SYTL2: variants seen among roughly 807,000 people sequenced by gnomAD.
SYTL2 encodes synaptotagmin-like protein 2.
A neutral mutation model predicts 198.7 loss-of-function variants in SYTL2; 165 were observed. The observed-to-expected ratio is 0.83, with a 90% CI of 0.73 to 0.94. SYTL2 has a LOEUF of 0.94. Ranked by LOEUF, SYTL2 falls within the 40% of genes least tolerant of loss-of-function variation. The probability of loss-of-function intolerance (pLI) is 0.00; values close to 1 mark genes in which losing one functional copy is unlikely to be tolerated. For synonymous variants in SYTL2, 966 were observed against 917.7 expected (o/e 1.05, Z -0.95); for missense variants, 2,835 against 2,582.8 (o/e 1.10, Z -2.12).
chr11:85,725,144 T>C lies in SYTL2; in HGVS notation c.4214A>G (p.Gln1405Arg). The C allele has an allele frequency of 6.2e-7, 1 of 1,614,126 alleles. No individual in the cohort carries two copies. Among genetic ancestry groups the C allele is most frequent in the Non-Finnish European group, 8.5e-7 (1 of 1,179,976 alleles). ...AGGATTTAGGGGGCTACATACTGGC[T>C]GTACTGCTTCAGGAAATTCTGGGTT... ...EVNPEFPEAV[Q>R]PVCSPLNPPG... The change falls in exon 8 of 20, where the codon CAG becomes CGG. Residue 1405 changes from glutamine to arginine, a missense_variant. Gln to Arg is a conservative substitution (Grantham distance 43). Transcript: ENST00000359152.
the SYTL2 span, among the ~76,000 whole-genome samples, chr11:85,844,021 G>T: frequency 2.0e-5 from 3 of 152,146 alleles, no homozygotes; most frequent in African/African-American, 7.2e-5. Context: ...CCAAAGTCAG[G>T]GGCATTCGAT....
At chr11:85,758,315 C>T (rs981896766) in intron 1 of SYTL2, among the ~76,000 whole-genome samples, 4 of 152,078 alleles carry the variant, frequency 2.6e-5, no homozygotes, top group Admixed American at 6.5e-5. Flanking sequence ...ATGGAGAACC[C>T]ACAAAAATGC....
At chr11:85,771,508 C>T (rs896904865) in intron 1 of SYTL2, among the ~76,000 whole-genome samples, 1 of 152,200 alleles carries the variant, frequency 6.6e-6, no homozygotes, top group Non-Finnish European at 1.5e-5. Context: ...GGGGACAAAG[C>T]TCACGTTTAT....
intron 4 of SYTL2, among the ~76,000 whole-genome samples, chr11:85,738,891 G>A (rs1275280385): frequency 5.3e-5 from 8 of 152,156 alleles, no homozygotes; most frequent in Admixed American, 3.3e-4. Flanking sequence ...CAAAGGATAA[G>A]CAGAGTGTCT....
At chr11:85,806,572 A>G (rs993972672) in intron 1 of SYTL2, among the ~76,000 whole-genome samples, 3 of 152,226 alleles carry the variant, frequency 2.0e-5, no homozygotes, top group Non-Finnish European at 2.9e-5. Context: ...GATTAATAAT[A>G]AAAAATAAAT....
At chr11:85,738,377 C>G (rs2090521369) in intron 4 of SYTL2, among the ~76,000 whole-genome samples, 1 of 151,962 alleles carries the variant, frequency 6.6e-6, no homozygotes, top group African/African-American at 2.4e-5. Flanking sequence ...GGCATTATAG[C>G]AGATGAGCAG....
At chr11:85,820,935 T>A in the SYTL2 span, among the ~76,000 whole-genome samples, 1,905 of 152,322 alleles carry the variant, frequency 0.013, 42 homozygotes, top group African/African-American at 0.044. Flanking sequence ...AACTTTTCAA[T>A]CACTTTAGAA....
Position 85,726,950 on chromosome 11 carries a change from T to C in SYTL2, c.2408A>G (p.Lys803Arg). Reference sequence around the variant, plus strand: ...TTCATGAGTTATCTTAGCACCAGCTTTCTCTCCTTCCCAAAAGGATATTCT... The same window carrying C: ...TTCATGAGTTATCTTAGCACCAGCTCTCTCTCCTTCCCAAAAGGATATTCT... Reference protein sequence around the residue: ...SDRISFWEGEKAGAKITHEKP... With the variant: ...SDRISFWEGERAGAKITHEKP... Residue 803 changes from lysine to arginine, a missense_variant, in exon 8 of 20, where the codon AAA becomes AGA. Lys to Arg is a conservative substitution (Grantham distance 26). Transcript: ENST00000359152. The C allele has an allele frequency of 6.5e-7, 1 of 1,536,694 alleles. No homozygotes were observed. The highest frequency in any genetic ancestry group is 1.2e-5 in the South Asian group (1 of 84,020).
At chr11:85,723,002 C>T (rs1182941235) in intron 8 of SYTL2, among the ~76,000 whole-genome samples, 2 of 152,144 alleles carry the variant, frequency 1.3e-5, no homozygotes, top group Admixed American at 6.5e-5. Context: ...ACAAATTCTA[C>T]TAAACTACAA....
chr11:85,704,395 T>C (rs1328862107), intron 16 of SYTL2, among the ~76,000 whole-genome samples: 1 of 151,998 alleles, frequency 6.6e-6, no homozygotes, highest in Non-Finnish European at 1.5e-5. Context: ...TCAAAAATAA[T>C]AAAACTAAAA....
rs1021181531 is a variant in SYTL2 at position 85,709,241 on chromosome 11, C to T, written c.5915+90G>A. The T allele has an allele frequency of 4.6e-6, 6 of 1,290,324 alleles. No homozygotes were observed. The African/African-American group carries it at 7.3e-5, about 16-fold the overall frequency. 79.9% of individuals were successfully genotyped at this position (1,290,324 alleles called of 1,614,324 possible). A position where few individuals can be genotyped will look rare whatever the true frequency, so the allele number is the denominator to read the frequency against. ...ACATTCCTCTTAACACATACCCTCCCTCCTCTTGATTACTTTATTTCCTTC... is the reference window on the plus strand; with the variant it reads ...ACATTCCTCTTAACACATACCCTCCTTCCTCTTGATTACTTTATTTCCTTC... On this transcript the variant is annotated intron_variant, in intron 14 of 19. Coordinates refer to ENST00000359152, the MANE Select transcript of SYTL2 (RefSeq NM_206927.4).
Position 85,727,375 on chromosome 11 carries a change from C to T in SYTL2, c.1983G>A (p.Gly661=). 2 of 1,536,180 alleles carry T rather than the reference C, an allele frequency of 1.3e-6. No homozygotes were observed. Among genetic ancestry groups the T allele is most frequent in the South Asian group, 1.2e-5 (1 of 84,056 alleles). Residue 661 remains glycine, a synonymous_variant, in exon 8 of 20, where the codon GGG becomes GGA. Transcript: ENST00000359152. The part of the protein sequence containing the change: ...QDSKSPGKGN[G]ASPSNSNYSY... ...AATAGTTACTATTTGAAGGAGATGC[C>T]CCATTCCCTTTTCCTGGGCTTTTTG...
intron 11 of SYTL2, among the ~76,000 whole-genome samples, chr11:85,715,595 A>G (rs2087074670): frequency 6.6e-6 from 1 of 152,202 alleles, no homozygotes; most frequent in South Asian, 2.1e-4. Context: ...TGAAGGAAAA[A>G]CTAAAAATTT....
chr11:85,719,661 C>A (rs1163110279), intron 9 of SYTL2, among the ~76,000 whole-genome samples: 1 of 152,038 alleles, frequency 6.6e-6, no homozygotes, highest in Admixed American at 6.6e-5. Context: ...GAGAGAATTC[C>A]TGCATTGAGG....
chr11:85,719,134 A>G (rs2087857465), intron 9 of SYTL2: 2 of 1,437,592 alleles, frequency 1.4e-6, no homozygotes, highest in South Asian at 2.5e-5. Context: ...AGCAGGAGAA[A>G]GCACGGGGCT....
In SYTL2 at chr11:85,724,730, T is replaced by C. The variant is rs758101161; in HGVS notation, c.4628A>G (p.His1543Arg). 1.9e-6 allele frequency: 3 copies of C among 1,613,928 alleles called. No individual in the cohort carries two copies. Among genetic ancestry groups the C allele is most frequent in the South Asian group, 1.1e-5 (1 of 91,052 alleles). ...EEPRRATSEC[H>R]PEELKETVEK... The stretch of plus-strand genomic sequence containing the variant: ...TACTGTTTCTTTTAATTCCTCAGGA[T>C]GGCATTCAGAAGTGGCTCGCCTGGG... Residue 1543 changes from histidine (H) to arginine (R), a missense_variant, in exon 8 of 20, where the codon CAT becomes CGT. His to Arg is a conservative substitution (Grantham distance 29). This residue lies in a region of SYTL2 where 2,645 missense variants were observed against 2,381.7 expected (regional missense o/e 1.11). Transcript: ENST00000359152.
At chr11:85,852,017 G>A in the SYTL2 span, among the ~76,000 whole-genome samples, 3 of 152,100 alleles carry the variant, frequency 2.0e-5, no homozygotes, top group South Asian at 6.2e-4. Flanking sequence ...AAATGAGGTG[G>A]AACACGTAAG....
the SYTL2 span, among the ~76,000 whole-genome samples, chr11:85,824,543 T>C: frequency 8.2e-4 from 125 of 152,354 alleles, no homozygotes; most frequent in Middle Eastern, 3.4e-3. Flanking sequence ...ATGGTTTGTA[T>C]TGAGTAACAG....
intron 2 of SYTL2, among the ~76,000 whole-genome samples, chr11:85,750,635 G>A (rs181332583): frequency 6.6e-4 from 100 of 152,242 alleles, no homozygotes; most frequent in Admixed American, 5.8e-3. Context: ...CACCTAGCAC[G>A]GAGCCTGGAA....
Sources: gnomAD v4.1 joint callset for allele counts (sites outside exome capture counted in the v4.1 genomes callset) on GRCh38, gnomAD v4.1.1 for gene constraint, gnomAD v4.1.1 regional missense constraint, MANE v1.5 for transcripts, NCBI Gene and HGNC (gene_info 2026-07-23, HGNC 2026-07-21) for gene names.